GCH1: variants seen among roughly 807,000 people sequenced by gnomAD.
GCH1 encodes the protein GTP cyclohydrolase I.
In GCH1, 5 loss-of-function variants were observed where a neutral mutation model predicts 25.9. The ratio of observed to expected loss-of-function variants is 0.19; its 90% CI spans 0.10 to 0.41. The LOEUF (loss-of-function observed/expected upper bound fraction) is 0.41. GCH1 is among the 10% of genes least tolerant of loss of function. GCH1 has a pLI of 1.00. For missense variants in GCH1, 261 were observed against 336.5 expected (o/e 0.78, Z 1.75); for synonymous variants, 159 against 129.6 (o/e 1.23, Z -1.54).
In GCH1 at chr14:54,902,771, G is replaced by C; in HGVS notation, c.-108C>G. 7.5e-7 allele frequency: 1 copy of C among 1,341,542 alleles called. No individual in the cohort carries two copies. The highest frequency in any genetic ancestry group is 9.5e-7 in the Non-Finnish European group (1 of 1,049,000). 83.1% of individuals were successfully genotyped at this position (1,341,542 alleles called of 1,614,324 possible). A position where few individuals can be genotyped will look rare whatever the true frequency, so the allele number is the denominator to read the frequency against. On this transcript the variant is annotated 5_prime_UTR_variant, in exon 1 of 6. Transcript: ENST00000491895. Reference sequence around the variant, plus strand: ...CAATGGGCTGTGGCCGGAGTCACCTGAGGAAGGTACGCAACCTGCTTAGAT... The same window carrying C: ...CAATGGGCTGTGGCCGGAGTCACCTCAGGAAGGTACGCAACCTGCTTAGAT...
Position 54,885,504 on chromosome 14 carries a change from G to A in GCH1, c.343+16817C>T, listed in dbSNP as rs569063653. On this transcript the variant is annotated intron_variant, in intron 1 of 5. Transcript: ENST00000491895. ...CTTCTAGAAGCATAGCATCATTGAT[G>A]GCATCCAAACCTACACCTGGCTTCT... 10 of 308,210 alleles carry A rather than the reference G, an allele frequency of 3.2e-5. No individual in the cohort carries two copies. The East Asian group carries it at 6.3e-4, about 20-fold the overall frequency. 19.1% of individuals were successfully genotyped at this position (308,210 alleles called of 1,614,324 possible).
chr14:54,861,136 T>C (rs1178655326), intron 2 of GCH1, among the ~76,000 whole-genome samples: 1 of 152,244 alleles, frequency 6.6e-6, no homozygotes, highest in Admixed American at 6.5e-5. Context: ...GTTTTCATTG[T>C]TCACTTACTA....
chr14:54,876,743 A>C (rs1166422116), intron 1 of GCH1, among the ~76,000 whole-genome samples: 4 of 152,108 alleles, frequency 2.6e-5, no homozygotes, highest in Non-Finnish European at 5.9e-5. Context: ...TGGAAGGAGG[A>C]GCTATGAACA....
chr14:54,880,086 A>G (rs1361746720), intron 1 of GCH1, among the ~76,000 whole-genome samples: 1 of 150,334 alleles, frequency 6.7e-6, no homozygotes. Context: ...GGTTGCAGTG[A>G]GCCAAGATCA....
At chr14:54,852,606 C>A (rs1377396949) in intron 3 of GCH1, among the ~76,000 whole-genome samples, 1 of 152,216 alleles carries the variant, frequency 6.6e-6, no homozygotes, top group South Asian at 2.1e-4. Flanking sequence ...TCCACACAGA[C>A]AGTGGGTCCC....
At position 54,843,912 on chromosome 14, in the gene GCH1, T is replaced by C. The variant is rs1183137224; in HGVS notation, c.*105A>G. On this transcript the variant is annotated 3_prime_UTR_variant, in exon 6 of 6. Coordinates refer to ENST00000491895, the MANE Select transcript of GCH1 (RefSeq NM_000161.3). ...TATAATTAGTGACAAGGAATAAAGT[T>C]CACATCTGTAACAATTGAAAATGGA... The C allele has an allele frequency of 1.2e-6, 2 of 1,610,692 alleles. No homozygotes were observed. The highest frequency in any genetic ancestry group is 1.7e-6 in the Non-Finnish European group (2 of 1,177,650).
At position 54,842,976 on chromosome 14, in the gene GCH1, T is replaced by C; in HGVS notation, c.*1041A>G. On this transcript the variant is annotated 3_prime_UTR_variant, in exon 6 of 6. Transcript: ENST00000491895. ...GTACGATACGCTTTGGTTAAAACGTTGGACACAGCTCATAATGTCTTCCAC... is the reference window on the plus strand; with the variant it reads ...GTACGATACGCTTTGGTTAAAACGTCGGACACAGCTCATAATGTCTTCCAC... 1.3e-6 allele frequency: 1 copy of C among 756,576 alleles called. No individual in the cohort carries two copies. Among genetic ancestry groups the C allele is most frequent in the Non-Finnish European group, 2.4e-6 (1 of 412,642 alleles). The allele number at this position is 756,576 out of a possible 1,614,324, so 46.9% of individuals were successfully genotyped here. A position where few individuals can be genotyped will look rare whatever the true frequency, so the allele number is the denominator to read the frequency against.
At chr14:54,847,043 T>C in intron 4 of GCH1, 56 bp downstream of exon 4, 1 of 722,248 alleles carries the variant, frequency 1.4e-6, no homozygotes, top group Non-Finnish European at 2.3e-6. Flanking sequence ...AATAAAAATT[T>C]AAAAAAAGAA....
Position 54,844,252 on chromosome 14 carries a change from G to A in GCH1, c.627-109C>T, listed in dbSNP as rs1377792237. The A allele has an allele frequency of 1.5e-5, 12 of 793,256 alleles. No individual in the cohort carries two copies. The East Asian group carries it at 1.9e-4, about 13-fold the overall frequency. The allele number at this position is 793,256 out of a possible 1,614,324, so 49.1% of individuals were successfully genotyped here. A position where few individuals can be genotyped will look rare whatever the true frequency, so the allele number is the denominator to read the frequency against. ...TCAGCTCACAGTTACCAAGTATATC[G>A]AAATATCCCTTCTTACACAAATGTT... On this transcript the variant is annotated intron_variant, in intron 5 of 5. Transcript: ENST00000491895.
chr14:54,870,189 T>C (rs920550042), intron 1 of GCH1, among the ~76,000 whole-genome samples: 1 of 152,114 alleles, frequency 6.6e-6, no homozygotes, highest in African/African-American at 2.4e-5. Context: ...GACACCTTAA[T>C]AAAGCTAACT....
chr14:54,900,176 T>TA (rs1313769183), intron 1 of GCH1, among the ~76,000 whole-genome samples: 1 of 150,658 alleles, frequency 6.6e-6, no homozygotes, highest in African/African-American at 2.4e-5. Context: ...ATGGACTTTT[T>TA]AAATAGTAAA....
At position 54,896,584 on chromosome 14, in the gene GCH1, T is replaced by G. The variant is rs899028690; in HGVS notation, c.343+5737A>C. ...AAATGCATTTTACATCTGGAGCCAG[T>G]GCACACACACACAATTATGCCTATA... On this transcript the variant is annotated intron_variant, in intron 1 of 5. Coordinates refer to ENST00000491895, the MANE Select transcript of GCH1 (RefSeq NM_000161.3). Among the ~76,000 whole-genome samples the G allele has an allele frequency of 5.3e-5, 8 of 152,100 alleles. 1 individual carries two copies. The highest frequency in any genetic ancestry group is 5.2e-4 in the Admixed American group (8 of 15,260).
intron 1 of GCH1, among the ~76,000 whole-genome samples, chr14:54,887,730 T>A (rs1256522368): frequency 6.6e-6 from 1 of 152,218 alleles, no homozygotes; most frequent in East Asian, 1.9e-4. Flanking sequence ...ACATTTCACC[T>A]CTAAATACAT....
At chr14:54,854,497 T>C (rs971798564) in intron 3 of GCH1, among the ~76,000 whole-genome samples, 2 of 152,010 alleles carry the variant, frequency 1.3e-5, no homozygotes, top group Non-Finnish European at 2.9e-5. Flanking sequence ...GATTTAAATA[T>C]AATAATGTGG....
chr14:54,872,145 T>C (rs1333759488), intron 1 of GCH1, among the ~76,000 whole-genome samples: 5 of 152,170 alleles, frequency 3.3e-5, no homozygotes, highest in Non-Finnish European at 7.4e-5. Context: ...TAACAGCTGA[T>C]CTCTCGGCAG....
At chr14:54,870,356 A>C (rs1394717928) in intron 1 of GCH1, among the ~76,000 whole-genome samples, 1 of 151,438 alleles carries the variant, frequency 6.6e-6, no homozygotes, top group Non-Finnish European at 1.5e-5. Context: ...AAAAAAAAAA[A>C]AAAAGGGTGG....
chr14:54,882,057 G>C (rs1049078793), intron 1 of GCH1, among the ~76,000 whole-genome samples: 2 of 152,148 alleles, frequency 1.3e-5, no homozygotes, highest in Non-Finnish European at 1.5e-5. Flanking sequence ...GAAGTTTATC[G>C]GTAAGATGTA....
intron 4 of GCH1, 84 bp from the exon 5 acceptor site, chr14:54,845,936 T>G: frequency 1.2e-6 from 1 of 822,914 alleles, no homozygotes; most frequent in Non-Finnish European, 2.2e-6. Context: ...TTTGAAATCT[T>G]AAAAATCAGA....
chr14:54,844,285 AG>A, intron 5 of GCH1, 142 bp from the exon 6 acceptor site: 2 of 746,354 alleles, frequency 2.7e-6, no homozygotes, highest in Non-Finnish European at 4.9e-6. Flanking sequence ...GTTATCTATT[AG>A]GTTCATGCAA....
Sources: allele counts gnomAD v4.1 joint callset (sites outside exome capture counted in the v4.1 genomes callset), GRCh38; gene constraint gnomAD v4.1.1; transcripts MANE v1.5; gene names NCBI Gene and HGNC (gene_info 2026-07-23, HGNC 2026-07-21).